The following ZNRF2 variants were observed in gnomAD, a reference collection of about 807,000 sequenced individuals.
ZNRF2 encodes the protein zinc and ring finger 2, also known as E3 ubiquitin-protein ligase ZNRF2.
In ZNRF2, 16 loss-of-function variants were observed where a neutral mutation model predicts 20.4. That is an observed-to-expected ratio of 0.79 (90% CI 0.53 to 1.19). The LOEUF (loss-of-function observed/expected upper bound fraction) is 1.19, where lower values mean the gene tolerates loss of function less well. ZNRF2 is among the 50% of genes most tolerant of loss of function. The pLI is 0.00. For missense variants in ZNRF2, 363 were observed against 332.4 expected, an observed-to-expected ratio of 1.09 and a Z score of -0.72; for synonymous variants, 178 against 144.9, an observed-to-expected ratio of 1.23 and a Z score of -1.64.
Position 30,366,307 on chromosome 7 carries a change from A to G in ZNRF2, c.*295A>G, listed in dbSNP as rs1474956613. On this transcript the variant is annotated 3_prime_UTR_variant, in exon 5 of 5. Transcript: ENST00000323037. ...AGTCATCTACATAGGTAATACTGATAAACATTTTGTATTCAGACGCCAAAG... is the reference window on the plus strand; with the variant it reads ...AGTCATCTACATAGGTAATACTGATGAACATTTTGTATTCAGACGCCAAAG... 1 of 152,636 alleles carries G rather than the reference A, an allele frequency of 6.6e-6. No individual in the cohort carries two copies. Among genetic ancestry groups the G allele is most frequent in the African/African-American group, 2.4e-5 (1 of 41,460 alleles). The allele number at this position is 152,636 out of a possible 1,614,324, so 9.5% of individuals were successfully genotyped here.
intron 3 of ZNRF2, among the ~76,000 whole-genome samples, chr7:30,359,896 T>C (rs1421266268): frequency 1.3e-5 from 2 of 152,226 alleles, no homozygotes; most frequent in Middle Eastern, 3.2e-3. Context: ...CTTAAAGTTT[T>C]GTGGAAAGCA....
At chr7:30,339,348 G>A (rs752174391) in intron 2 of ZNRF2, among the ~76,000 whole-genome samples, 2 of 152,104 alleles carry the variant, frequency 1.3e-5, no homozygotes, top group African/African-American at 2.4e-5. Context: ...TGCCCATGCC[G>A]ATGTTCTGAA....
chr7:30,304,570 T>C (rs1306484208), intron 1 of ZNRF2, among the ~76,000 whole-genome samples: 4 of 152,210 alleles, frequency 2.6e-5, no homozygotes, highest in Non-Finnish European at 4.4e-5. Context: ...GAGGAAAGTA[T>C]ATTTGCAGCA....
chr7:30,295,078 T>C (rs1470303346), intron 1 of ZNRF2, among the ~76,000 whole-genome samples: 1 of 145,202 alleles, frequency 6.9e-6, no homozygotes, highest in African/African-American at 2.7e-5. Flanking sequence ...TGTGTGTGTG[T>C]GTGTGTGTGT....
intron 4 of ZNRF2, among the ~76,000 whole-genome samples, chr7:30,364,719 G>C (rs564764846): frequency 6.6e-6 from 1 of 152,110 alleles, no homozygotes; most frequent in African/African-American, 2.4e-5. Context: ...TTTTGTCTTA[G>C]TATTTTACAT....
Position 30,315,797 on chromosome 7 carries a change from G to A in ZNRF2, c.470-7845G>A, listed in dbSNP as rs1056740381. 4.8e-5 allele frequency among the ~76,000 whole-genome samples: 7 copies of A among 146,798 alleles called. No homozygotes were observed. In the Admixed American group the frequency reaches 5.0e-4, roughly 10 times the overall value. The stretch of plus-strand genomic sequence containing the variant: ...AAAGAATCCTTGTAAGACATTTAAT[G>A]AGTCATTACAGCATACTGATATCTA... On this transcript the variant is annotated intron_variant, in intron 1 of 4. Coordinates refer to ENST00000323037, the MANE Select transcript of ZNRF2 (RefSeq NM_147128.4).
rs1302457747 is a variant in ZNRF2 at position 30,315,724 on chromosome 7, G to GGGT, written c.470-7916_470-7915insTGG. ...TTGTCCCTAACTAAAGAAAAAGGTG[G>GGGT]GGCGGGGGGGGGGGGGTTGGGTATA... On this transcript the variant is annotated intron_variant, in intron 1 of 4. Transcript: ENST00000323037. Among the ~76,000 whole-genome samples the GGGT allele has an allele frequency of 3.7e-4, 36 of 96,466 alleles. 1 individual carries two copies. Among genetic ancestry groups the GGGT allele is most frequent in the South Asian group, 5.8e-4 (1 of 1,712 alleles). The allele number at this position is 96,466 out of a possible 152,430, so 63.3% of individuals were successfully genotyped here. A position where few individuals can be genotyped will look rare whatever the true frequency, so the allele number is the denominator to read the frequency against.
intron 2 of ZNRF2, among the ~76,000 whole-genome samples, chr7:30,336,175 G>T (rs1799713897): frequency 6.6e-6 from 1 of 152,192 alleles, no homozygotes; most frequent in African/African-American, 2.4e-5. Context: ...GATTGGTAAA[G>T]AAATGGCTTG....
chr7:30,324,564 A>C (rs1209612535), intron 2 of ZNRF2, among the ~76,000 whole-genome samples: 3 of 150,554 alleles, frequency 2.0e-5, no homozygotes, highest in Non-Finnish European at 4.4e-5. Flanking sequence ...AAAAAAGAAA[A>C]AAAAACAAAA....
chr7:30,300,745 C>G (rs1179158229), intron 1 of ZNRF2, among the ~76,000 whole-genome samples: 1 of 152,048 alleles, frequency 6.6e-6, no homozygotes, highest in East Asian at 1.9e-4. Flanking sequence ...ATTTCACTGT[C>G]CAAGGAATAC....
rs770175740 is a variant in ZNRF2 at position 30,285,175 on chromosome 7, G to T, written c.-183G>T. On this transcript the variant is annotated 5_prime_UTR_variant, in exon 1 of 5. Coordinates refer to ENST00000323037, the MANE Select transcript of ZNRF2 (RefSeq NM_147128.4). ...CGTCAGGCCGTCGGCCTCGCCCGCC[G>T]CCCCAAGAAGAGCGCGCCGGGCGCC... The T allele has an allele frequency of 1.4e-5, 6 of 429,102 alleles. No homozygotes were observed. In the East Asian group the frequency reaches 8.2e-4, roughly 59 times the overall value. The allele number at this position is 429,102 out of a possible 1,614,324, so 26.6% of individuals were successfully genotyped here.
chr7:30,303,052 G>A (rs151128803), intron 1 of ZNRF2, among the ~76,000 whole-genome samples: 4 of 152,054 alleles, frequency 2.6e-5, no homozygotes, highest in Admixed American at 6.6e-5. Context: ...AAGCTGAGGC[G>A]AGTGGATAGC....
At chr7:30,295,238 C>T (rs1383664343) in intron 1 of ZNRF2, among the ~76,000 whole-genome samples, 1 of 152,056 alleles carries the variant, frequency 6.6e-6, no homozygotes, top group Non-Finnish European at 1.5e-5. Flanking sequence ...GCAGAAAGGA[C>T]TCAGATTAGC....
chr7:30,345,086 G>A (rs557553025), intron 2 of ZNRF2, among the ~76,000 whole-genome samples: 2 of 152,040 alleles, frequency 1.3e-5, no homozygotes, highest in Admixed American at 1.3e-4. Context: ...TTAGGACTTG[G>A]TGTGCCCTTT....
At chr7:30,329,676 G>T (rs1253236169) in intron 2 of ZNRF2, among the ~76,000 whole-genome samples, 1 of 152,126 alleles carries the variant, frequency 6.6e-6, no homozygotes, top group Non-Finnish European at 1.5e-5. Flanking sequence ...ATTGTTTATA[G>T]ATACCACGTT....
chr7:30,336,111 A>G (rs1359293465), intron 2 of ZNRF2, among the ~76,000 whole-genome samples: 1 of 152,210 alleles, frequency 6.6e-6, no homozygotes, highest in African/African-American at 2.4e-5. Flanking sequence ...AGGAGTAAAG[A>G]TATTACAAAG....
chr7:30,363,275 T>G (rs1381613274), intron 4 of ZNRF2, among the ~76,000 whole-genome samples: 1 of 152,198 alleles, frequency 6.6e-6, no homozygotes, highest in Non-Finnish European at 1.5e-5. Context: ...CATTTAGTAT[T>G]ATCATGTGCC....
chr7:30,291,084 G>A (rs530417780), intron 1 of ZNRF2, among the ~76,000 whole-genome samples: 1 of 152,334 alleles, frequency 6.6e-6, no homozygotes, highest in Admixed American at 6.5e-5. Context: ...TTGAACTGTA[G>A]TTTGAAGGAT....
chr7:30,346,238 G>A, intron 2 of ZNRF2, among the ~76,000 whole-genome samples: 1 of 122,726 alleles, frequency 8.1e-6, no homozygotes, highest in Non-Finnish European at 1.6e-5. Flanking sequence ...TTGTTGCCCA[G>A]GCTGCAATGC....
Sources: allele counts gnomAD v4.1 joint callset (sites outside exome capture counted in the v4.1 genomes callset), GRCh38; gene constraint gnomAD v4.1.1; transcripts MANE v1.5; gene names NCBI Gene and HGNC (gene_info 2026-07-23, HGNC 2026-07-21).